The following TANC1 variants were observed in gnomAD, a reference collection of about 807,000 sequenced individuals.
TANC1 encodes protein TANC1.
A neutral mutation model predicts 149.7 loss-of-function variants in TANC1; 77 were observed. The ratio of observed to expected loss-of-function variants is 0.51; its 90% CI spans 0.43 to 0.62. The LOEUF is 0.62. Among genes scored for constraint, TANC1 ranks in the 20% least tolerant of loss-of-function variants. The pLI is 0.00. For missense variants in TANC1, 1,985 were observed against 2,321.8 expected, an observed-to-expected ratio of 0.85 and a Z score of 2.98; for synonymous variants, 854 against 925.0, an observed-to-expected ratio of 0.92 and a Z score of 1.39.
intron 2 of TANC1, among the ~76,000 whole-genome samples, chr2:159,016,204 A>G (rs2038250922): frequency 5.3e-5 from 8 of 152,230 alleles, no homozygotes. Context: ...CCCATCTTAT[A>G]TGGATTGCAG....
At chr2:158,975,147 A>T (rs992437318) in intron 1 of TANC1, among the ~76,000 whole-genome samples, 2 of 152,028 alleles carry the variant, frequency 1.3e-5, no homozygotes, top group Non-Finnish European at 2.9e-5. Context: ...TTTAAAATTT[A>T]TATTTTTATT....
chr2:159,059,921 TGTGTGTGTGG>T, intron 2 of TANC1, among the ~76,000 whole-genome samples: 1 of 147,970 alleles, frequency 6.8e-6, no homozygotes, highest in African/African-American at 2.5e-5. Context: ...TGTGTGTGTG[TGTGTGTGTGG>T]TTTTTTGTTG....
In TANC1 at chr2:159,068,687, A is replaced by G. The variant is rs73969430; in HGVS notation, c.61+2716A>G. On this transcript the variant is annotated intron_variant, in intron 3 of 26. Coordinates refer to ENST00000263635, the MANE Select transcript of TANC1 (RefSeq NM_033394.3). ...CTTTAGCAGGTATTGAATTCAAACT[A>G]TATGTATATAAGGATATTTGCAATA... is the stretch of plus-strand genomic sequence containing the variant. 7.1e-3 allele frequency among the ~76,000 whole-genome samples: 1,074 copies of G among 152,320 alleles called. 8 individuals carry two copies. Among genetic ancestry groups the G allele is most frequent in the African/African-American group, 0.024 (1,002 of 41,574 alleles).
chr2:159,060,088 T>C, intron 2 of TANC1: 1 of 975,950 alleles, frequency 1.0e-6, no homozygotes, highest in South Asian at 4.7e-5. Context: ...AAAGGTGTTA[T>C]ACAGAAGGCA....
chr2:159,120,628 C>A (rs1005810323), intron 4 of TANC1, among the ~76,000 whole-genome samples: 11 of 152,070 alleles, frequency 7.2e-5, no homozygotes, highest in African/African-American at 2.4e-4. Flanking sequence ...TCACTTAAAG[C>A]TAAAAATTAT....
At chr2:159,180,796 A>T (rs1195885043) in intron 14 of TANC1, among the ~76,000 whole-genome samples, 1 of 152,234 alleles carries the variant, frequency 6.6e-6, no homozygotes, top group Non-Finnish European at 1.5e-5. Flanking sequence ...TGTGCAAAGT[A>T]CTGTGGCAGA....
chr2:159,138,869 CT>C (rs540527451), intron 5 of TANC1, among the ~76,000 whole-genome samples: 64 of 152,270 alleles, frequency 4.2e-4, no homozygotes, highest in African/African-American at 1.5e-3. Context: ...CTCACTTTTG[CT>C]TTGGTCATGT....
At chr2:159,076,508 G>A (rs904054757) in intron 3 of TANC1, among the ~76,000 whole-genome samples, 1 of 152,194 alleles carries the variant, frequency 6.6e-6, no homozygotes, top group African/African-American at 2.4e-5. Context: ...CTACCCAGAT[G>A]TGCTGGAAGC....
intron 2 of TANC1, among the ~76,000 whole-genome samples, chr2:159,006,844 T>A (rs2037230589): frequency 6.6e-6 from 1 of 152,222 alleles, no homozygotes; most frequent in Non-Finnish European, 1.5e-5. Flanking sequence ...CCTGGCCATC[T>A]GTCTAAAAAT....
chr2:159,185,836 C>G lies in TANC1; in HGVS notation c.2556C>G (p.Gly852=), dbSNP rs781558443. Residue 852 remains glycine (G), a synonymous_variant, in exon 15 of 27, where the codon GGC becomes GGG. Coordinates refer to ENST00000263635, the MANE Select transcript of TANC1 (RefSeq NM_033394.3). The part of the protein sequence containing the change: ...LLAFMFSRQE[G]KLNRQQTMEL... ...CATTCATGTTCTCGCGTCAGGAGGG[C>G]AAGTTGAACCGCCAGCAGACCATGG... is the stretch of plus-strand genomic sequence containing the variant. The G allele has an allele frequency of 3.1e-6, 5 of 1,614,122 alleles. No homozygotes were observed. Among genetic ancestry groups the G allele is most frequent in the South Asian group, 1.1e-5 (1 of 91,082 alleles).
chr2:159,204,475 T>C (rs547194436), intron 19 of TANC1, among the ~76,000 whole-genome samples: 1 of 152,328 alleles, frequency 6.6e-6, no homozygotes, highest in Admixed American at 6.5e-5. Flanking sequence ...GGTGTGGGCA[T>C]AGCCCCATCT....
intron 3 of TANC1, among the ~76,000 whole-genome samples, chr2:159,077,872 G>T (rs1476861888): frequency 6.6e-6 from 1 of 152,104 alleles, no homozygotes; most frequent in Non-Finnish European, 1.5e-5. Flanking sequence ...TCTAGGTTTT[G>T]TCAAATTGTC....
intron 2 of TANC1, among the ~76,000 whole-genome samples, chr2:159,031,434 G>A (rs1026473144): frequency 6.6e-6 from 1 of 152,180 alleles, no homozygotes; most frequent in Non-Finnish European, 1.5e-5. Context: ...AAGTGAATGG[G>A]TCTTAGGGTG....
intron 1 of TANC1, among the ~76,000 whole-genome samples, chr2:158,972,930 A>C (rs1044247205): frequency 6.6e-6 from 1 of 152,154 alleles, no homozygotes; most frequent in Non-Finnish European, 1.5e-5. Context: ...ATGATAGAGG[A>C]CTTTGAAGAA....
intron 4 of TANC1, 147 bp from the exon 5 acceptor site, chr2:159,136,047 T>C (rs751880406): frequency 0.04 from 8,427 of 211,006 alleles, 1,196 homozygotes; most frequent in African/African-American, 0.1. Flanking sequence ...TGTGTGTGTG[T>C]GTGCGCGCGC....
chr2:159,225,164 C>T (rs374767899), intron 23 of TANC1: 9 of 164,058 alleles, frequency 5.5e-5, no homozygotes, highest in Middle Eastern at 2.8e-3. Flanking sequence ...TGGTACTCGC[C>T]GTGGGGACCT....
At chr2:159,039,802 T>G (rs2040487172) in intron 2 of TANC1, among the ~76,000 whole-genome samples, 1 of 152,194 alleles carries the variant, frequency 6.6e-6, no homozygotes, top group Non-Finnish European at 1.5e-5. Flanking sequence ...AAGTGTGATG[T>G]GGTGCTGAGA....
chr2:159,019,569 T>G (rs968519416), intron 2 of TANC1, among the ~76,000 whole-genome samples: 1 of 151,784 alleles, frequency 6.6e-6, no homozygotes, highest in African/African-American at 2.4e-5. Context: ...CAGTTGGTAC[T>G]TCTGGGCAGT....
chr2:159,171,967 A>G (rs2055302969), intron 10 of TANC1, among the ~76,000 whole-genome samples, 154 bp from the exon 11 acceptor site: 2 of 152,098 alleles, frequency 1.3e-5, no homozygotes, highest in African/African-American at 2.4e-5. Context: ...TGGCAGACAG[A>G]TGGGAACCTG....
Sources: allele counts gnomAD v4.1 joint callset (sites outside exome capture counted in the v4.1 genomes callset), GRCh38; gene constraint gnomAD v4.1.1; transcripts MANE v1.5; gene names NCBI Gene and HGNC (gene_info 2026-07-23, HGNC 2026-07-21).